COX7B2: variants seen among roughly 807,000 people sequenced by gnomAD.
The protein encoded by COX7B2 is cytochrome c oxidase subunit 7B2.
For synonymous variants in COX7B2, 37 were observed against 32.1 expected (o/e 1.15, Z -0.51); for missense variants, 109 against 95.9 (o/e 1.14, Z -0.57).
intron 1 of COX7B2, among the ~76,000 whole-genome samples, chr4:46,894,362 C>T (rs1465048100): frequency 6.6e-6 from 1 of 152,098 alleles, no homozygotes; most frequent in East Asian, 1.9e-4. Context: ...TGATCTTTAA[C>T]AAACCTGACA....
chr4:46,837,567 T>G (rs910656372), intron 2 of COX7B2, among the ~76,000 whole-genome samples: 4 of 151,978 alleles, frequency 2.6e-5, no homozygotes, highest in Non-Finnish European at 5.9e-5. Context: ...CTTTAGGGTA[T>G]TAAAAAATGT....
At chr4:46,855,845 TC>T (rs1716979853) in intron 1 of COX7B2, among the ~76,000 whole-genome samples, 2 of 152,172 alleles carry the variant, frequency 1.3e-5, no homozygotes, top group South Asian at 4.1e-4. Flanking sequence ...CTTCTCTGGG[TC>T]TTGGGGTGAC....
At chr4:46,796,490 G>T (rs1404618103) in intron 2 of COX7B2, among the ~76,000 whole-genome samples, 2 of 125,020 alleles carry the variant, frequency 1.6e-5, no homozygotes, top group African/African-American at 6.8e-5. Flanking sequence ...TTACACTGTT[G>T]GTGGGACTGT....
At chr4:46,822,147 G>A (rs1034658712) in intron 2 of COX7B2, among the ~76,000 whole-genome samples, 9 of 152,104 alleles carry the variant, frequency 5.9e-5, no homozygotes, top group Non-Finnish European at 8.8e-5. Flanking sequence ...TCCTGACCTC[G>A]TGATCCGTCT....
intron 1 of COX7B2, among the ~76,000 whole-genome samples, chr4:46,908,643 C>A (rs975662501): frequency 6.6e-6 from 1 of 151,714 alleles, no homozygotes; most frequent in African/African-American, 2.4e-5. Context: ...CCTTTTACTC[C>A]CATCCTATGT....
chr4:46,793,675 C>A (rs1718168025), intron 2 of COX7B2, among the ~76,000 whole-genome samples: 1 of 152,200 alleles, frequency 6.6e-6, no homozygotes, highest in African/African-American at 2.4e-5. Flanking sequence ...GCTCCTATAG[C>A]CACAGGGCTG....
At chr4:46,739,343 C>CAAAAA (rs1324121809) in intron 2 of COX7B2, among the ~76,000 whole-genome samples, 74 of 151,410 alleles carry the variant, frequency 4.9e-4, no homozygotes, top group African/African-American at 1.8e-3. Flanking sequence ...CCAAACCAAA[C>CAAAAA]CAAAACAAAA....
chr4:46,892,502 G>T (rs564137417), intron 1 of COX7B2, among the ~76,000 whole-genome samples: 1 of 152,188 alleles, frequency 6.6e-6, no homozygotes, highest in African/African-American at 2.4e-5. Flanking sequence ...TTACTTTAAT[G>T]ACTTCCCCAT....
In COX7B2 at chr4:46,759,380, C is replaced by T. The variant is rs148926001; in HGVS notation, c.-49-24139G>A. 4.6e-4 allele frequency among the ~76,000 whole-genome samples: 70 copies of T among 151,484 alleles called. No homozygotes were observed. The East Asian group carries it at 0.012, about 26-fold the overall frequency. On this transcript the variant is annotated intron_variant, in intron 2 of 2. Coordinates refer to ENST00000355591, the MANE Select transcript of COX7B2 (RefSeq NM_130902.3). Reference sequence around the variant, plus strand: ...TATGAACAAGAAACTATGAAGAATGCCTAAAAGAAACTATCATCAGAGTGA... The same window carrying T: ...TATGAACAAGAAACTATGAAGAATGTCTAAAAGAAACTATCATCAGAGTGA...
At chr4:46,792,951 C>G (rs1314488323) in intron 2 of COX7B2, among the ~76,000 whole-genome samples, 2 of 152,144 alleles carry the variant, frequency 1.3e-5, no homozygotes, top group South Asian at 4.1e-4. Flanking sequence ...TTGGATACAC[C>G]TAATCAACCA....
intron 2 of COX7B2, among the ~76,000 whole-genome samples, chr4:46,763,808 T>G (rs185103791): frequency 3.9e-5 from 6 of 152,330 alleles, no homozygotes; most frequent in African/African-American, 1.2e-4. Flanking sequence ...TAAATATACA[T>G]GTGCATGCAC....
intron 2 of COX7B2, among the ~76,000 whole-genome samples, chr4:46,775,880 T>C (rs1201709033): frequency 6.6e-6 from 1 of 152,148 alleles, no homozygotes; most frequent in Non-Finnish European, 1.5e-5. Context: ...AGGCCTGATG[T>C]CAGAAGAGAA....
At chr4:46,747,206 G>A (rs937206553) in intron 2 of COX7B2, among the ~76,000 whole-genome samples, 5 of 151,656 alleles carry the variant, frequency 3.3e-5, no homozygotes, top group South Asian at 2.1e-4. Flanking sequence ...CCTTTCTCCC[G>A]CCCTCCACCC....
chr4:46,876,017 A>G (rs576020289), intron 1 of COX7B2, among the ~76,000 whole-genome samples: 8 of 152,156 alleles, frequency 5.3e-5, no homozygotes, highest in Non-Finnish European at 1.2e-4. Flanking sequence ...TGTTAGTCCA[A>G]ATAGATTATA....
chr4:46,853,194 A>G (rs942877055), intron 1 of COX7B2, among the ~76,000 whole-genome samples: 1 of 152,118 alleles, frequency 6.6e-6, no homozygotes, highest in Admixed American at 6.6e-5. Context: ...TAGCTCAGTG[A>G]TTTTATGGAC....
At chr4:46,793,091 T>C (rs542310114) in intron 2 of COX7B2, among the ~76,000 whole-genome samples, 1 of 152,332 alleles carries the variant, frequency 6.6e-6, no homozygotes, top group South Asian at 2.1e-4. Context: ...TGGCCGACTG[T>C]GGTCAGGAGA....
chr4:46,744,883 G>A (rs1480725287), intron 2 of COX7B2, among the ~76,000 whole-genome samples: 1 of 151,372 alleles, frequency 6.6e-6, no homozygotes, highest in Non-Finnish European at 1.5e-5. Context: ...GCGCACGCTG[G>A]CACGCCCGGC....
rs1231439934 is a variant in COX7B2, at chr4:46,754,712, G to GTATATA, written c.-49-19472_-49-19471insTATATA. On this transcript the variant is annotated intron_variant, in intron 2 of 2. Coordinates refer to ENST00000355591, the MANE Select transcript of COX7B2 (RefSeq NM_130902.3). ...CAATAAAATACGTGTGTGTGTGTGT[G>GTATATA]TGTGTGTGTGTGTGTGTATATATAT... Among the ~76,000 whole-genome samples the GTATATA allele has an allele frequency of 1.0e-3, 23 of 22,022 alleles. 1 individual carries two copies. The highest frequency in any genetic ancestry group is 5.8e-3 in the African/African-American group (22 of 3,822). The allele number at this position is 22,022 out of a possible 152,430, so 14.4% of individuals were successfully genotyped here.
intron 2 of COX7B2, among the ~76,000 whole-genome samples, chr4:46,737,561 TA>T (rs1243765956): frequency 6.6e-6 from 1 of 152,126 alleles, no homozygotes; most frequent in African/African-American, 2.4e-5. Context: ...CATAAGAAGC[TA>T]AAATGAATGC....
Sources: gnomAD v4.1 joint callset for allele counts (sites outside exome capture counted in the v4.1 genomes callset) on GRCh38, gnomAD v4.1.1 for gene constraint, MANE v1.5 for transcripts, NCBI Gene and HGNC (gene_info 2026-07-23, HGNC 2026-07-21) for gene names.